NPSR1: variants seen among roughly 807,000 people sequenced by gnomAD.
NPSR1 encodes the protein neuropeptide S receptor 1, also known as neuropeptide S receptor.
A neutral mutation model predicts 46.9 loss-of-function variants in NPSR1; 48 were observed. The ratio of observed to expected loss-of-function variants is 1.02; its 90% CI spans 0.81 to 1.30. The LOEUF (loss-of-function observed/expected upper bound fraction) is 1.30. Ranked by LOEUF, NPSR1 falls within the 50% of genes most tolerant of loss-of-function variation. The pLI is 0.00. For missense variants in NPSR1, 450 were observed against 449.5 expected, an observed-to-expected ratio of 1.00 and a Z score of -0.01; for synonymous variants, 176 against 168.1, an observed-to-expected ratio of 1.05 and a Z score of -0.36.
chr7:34,867,365 A>G (rs751309956), intron 8 of NPSR1, among the ~76,000 whole-genome samples: 24 of 151,816 alleles, frequency 1.6e-4, no homozygotes, highest in Non-Finnish European at 3.4e-4. Context: ...GATGCCTCAC[A>G]AATCCTCTCA....
intron 1 of NPSR1, 49 bp downstream of exon 1, chr7:34,658,608 T>A: frequency 6.4e-7 from 1 of 1,554,326 alleles, no homozygotes; most frequent in Admixed American, 1.7e-5. Flanking sequence ...ACAATGAGAC[T>A]GCTGGAACTT....
intron 2 of NPSR1, among the ~76,000 whole-genome samples, chr7:34,698,528 G>A (rs1027414505): frequency 3.9e-5 from 6 of 152,144 alleles, no homozygotes; most frequent in African/African-American, 1.4e-4. Context: ...ACACTGTGCT[G>A]ATCAAACAAA....
chr7:34,846,871 TGAA>T (rs1276109224), intron 7 of NPSR1, among the ~76,000 whole-genome samples: 1 of 152,230 alleles, frequency 6.6e-6, no homozygotes, highest in Admixed American at 6.5e-5. Flanking sequence ...CTCCTCTACA[TGAA>T]TGGACATTCA....
Position 34,825,672 on chromosome 7 carries a change from A to C in NPSR1, c.479-1729A>C, listed in dbSNP as rs373834875. On this transcript the variant is annotated intron_variant, in intron 4 of 8. Coordinates refer to ENST00000360581, the MANE Select transcript of NPSR1 (RefSeq NM_207172.2). ...GAAGTGGCCACCAGCAAGACCCCAC[A>C]GGATAATTTCCAAAGGACCCAGAAA... 9.2e-5 allele frequency among the ~76,000 whole-genome samples: 14 copies of C among 152,312 alleles called. No homozygotes were observed. The East Asian group carries it at 2.3e-3, about 25-fold the overall frequency.
chr7:34,695,699 A>T (rs996628572), intron 2 of NPSR1, among the ~76,000 whole-genome samples: 6 of 152,202 alleles, frequency 3.9e-5, no homozygotes, highest in Admixed American at 6.5e-5. Context: ...AACACATGAA[A>T]AAAGGCTCAA....
intron 2 of NPSR1, among the ~76,000 whole-genome samples, chr7:34,707,056 G>C (rs1339529465): frequency 6.6e-6 from 1 of 152,014 alleles, no homozygotes; most frequent in Non-Finnish European, 1.5e-5. Context: ...AAGAATAACT[G>C]TTCTCCCAGT....
At chr7:34,741,669 C>T (rs1475680250) in intron 2 of NPSR1, among the ~76,000 whole-genome samples, 2 of 152,146 alleles carry the variant, frequency 1.3e-5, no homozygotes, top group Admixed American at 6.5e-5. Flanking sequence ...GCACACTTTG[C>T]ACTGATCCTT....
intron 2 of NPSR1, among the ~76,000 whole-genome samples, chr7:34,689,768 C>A (rs899597962): frequency 6.6e-6 from 1 of 151,238 alleles, no homozygotes; most frequent in Non-Finnish European, 1.5e-5. Flanking sequence ...CATAGTGAGA[C>A]CCCCATCTCT....
intron 7 of NPSR1, among the ~76,000 whole-genome samples, chr7:34,847,044 C>T (rs140923295): frequency 7.2e-5 from 11 of 152,246 alleles, no homozygotes; most frequent in Non-Finnish European, 1.3e-4. Context: ...CTGTTCAGCG[C>T]CAGTGTTTGG....
At chr7:34,665,391 T>C (rs542065190) in intron 1 of NPSR1, among the ~76,000 whole-genome samples, 2 of 152,310 alleles carry the variant, frequency 1.3e-5, no homozygotes, top group East Asian at 1.9e-4. Context: ...ATTACCTCAA[T>C]AGGCAACAGA....
intron 2 of NPSR1, 92 bp from the exon 3 acceptor site, chr7:34,778,370 C>T (rs1206240513): frequency 8.6e-6 from 6 of 696,498 alleles, no homozygotes; most frequent in Admixed American, 3.1e-5. Context: ...TGAACCTCCC[C>T]AGGATTTCAT....
At position 34,834,420 on chromosome 7, in the gene NPSR1, TA is replaced by T. The variant is rs760775539; in HGVS notation, c.721del (p.Ser241AlafsTer7). 6.2e-7 allele frequency: 1 copy of T among 1,613,692 alleles called. No homozygotes were observed. The highest frequency in any genetic ancestry group is 1.7e-5 in the Admixed American group (1 of 60,026). On this transcript the variant is annotated frameshift_variant, in exon 6 of 9. Coordinates refer to ENST00000360581, the MANE Select transcript of NPSR1 (RefSeq NM_207172.2). LOFTEE classifies it high-confidence loss of function. ...GCATTGTGATCCGAACTATTTGGAT[TA>T]AAAGCAAAACCTACGAAACAGTGAT... ...YGIVIRTIWIKSKTYETVISN... is the reference protein window; with the variant it reads ...YGIVIRTIWIXSKTYETVISN...
intron 2 of NPSR1, among the ~76,000 whole-genome samples, chr7:34,747,487 G>T (rs1785266930): frequency 1.3e-5 from 2 of 152,202 alleles, no homozygotes; most frequent in Admixed American, 6.5e-5. Flanking sequence ...GGCCCAAGAA[G>T]GCCCTGCATT....
intron 2 of NPSR1, among the ~76,000 whole-genome samples, chr7:34,709,508 T>C (rs1783165832): frequency 6.6e-6 from 1 of 152,174 alleles, no homozygotes; most frequent in South Asian, 2.1e-4. Context: ...TTTCTTCAAA[T>C]GTCAGTTTCT....
chr7:34,660,993 G>A (rs968805449), intron 1 of NPSR1, among the ~76,000 whole-genome samples: 3 of 152,182 alleles, frequency 2.0e-5, no homozygotes, highest in Admixed American at 1.3e-4. Flanking sequence ...AGCTCCTTGA[G>A]TAAAATGAAT....
chr7:34,772,583 A>G (rs1786737096), intron 2 of NPSR1, among the ~76,000 whole-genome samples: 1 of 152,154 alleles, frequency 6.6e-6, no homozygotes, highest in African/African-American at 2.4e-5. Flanking sequence ...AAGAGTCAAT[A>G]CTTGCCTTGT....
intron 4 of NPSR1, among the ~76,000 whole-genome samples, chr7:34,815,873 T>G (rs1290475760): frequency 6.6e-6 from 1 of 152,090 alleles, no homozygotes; most frequent in Non-Finnish European, 1.5e-5. Flanking sequence ...TGCTGAGAGA[T>G]TTTGTCACCA....
At chr7:34,771,559 G>A (rs186124208) in intron 2 of NPSR1, among the ~76,000 whole-genome samples, 1 of 152,274 alleles carries the variant, frequency 6.6e-6, no homozygotes, top group East Asian at 1.9e-4. Context: ...GATAAAAAGG[G>A]CAACCAAAGA....
At chr7:34,671,575 G>A (rs779171598) in intron 1 of NPSR1, among the ~76,000 whole-genome samples, 1 of 152,114 alleles carries the variant, frequency 6.6e-6, no homozygotes, top group Non-Finnish European at 1.5e-5. Context: ...TGAAAACCAA[G>A]GCAGATGACT....
Sources: allele counts gnomAD v4.1 joint callset (sites outside exome capture counted in the v4.1 genomes callset), GRCh38; gene constraint gnomAD v4.1.1; transcripts MANE v1.5; gene names NCBI Gene and HGNC (gene_info 2026-07-23, HGNC 2026-07-21).